The following PARD3 variants were observed in gnomAD, a reference collection of about 807,000 sequenced individuals.
PARD3 encodes partitioning defective 3 homolog.
PARD3 carries 75 observed loss-of-function variants against 155.4 expected under a neutral mutation model. That is an observed-to-expected ratio of 0.48 (90% CI 0.40 to 0.58). The LOEUF is 0.58. Ranked by LOEUF, PARD3 falls within the 20% of genes least tolerant of loss-of-function variation. PARD3 has a pLI of 0.00. For synonymous variants in PARD3, 576 were observed against 610.5 expected, an observed-to-expected ratio of 0.94 and a Z score of 0.83; for missense variants, 1,642 against 1,721.7, an observed-to-expected ratio of 0.95 and a Z score of 0.82.
intron 22 of PARD3, among the ~76,000 whole-genome samples, chr10:34,163,405 G>A (rs1038033736): frequency 6.6e-6 from 1 of 152,148 alleles, no homozygotes. Flanking sequence ...GATGAAGAAA[G>A]GGCATGAGAT....
intron 2 of PARD3, among the ~76,000 whole-genome samples, chr10:34,520,657 T>C (rs1294390324): frequency 6.6e-6 from 1 of 152,106 alleles, no homozygotes. Flanking sequence ...ACTCACTAAT[T>C]ATAGTATGAA....
At chr10:34,518,207 T>C (rs2081911785) in intron 2 of PARD3, among the ~76,000 whole-genome samples, 1 of 152,194 alleles carries the variant, frequency 6.6e-6, no homozygotes, top group Non-Finnish European at 1.5e-5. Context: ...AGTACATAGT[T>C]AAGTAAATAC....
intron 2 of PARD3, among the ~76,000 whole-genome samples, chr10:34,610,766 T>C (rs140735156): frequency 7.9e-5 from 12 of 152,348 alleles, no homozygotes; most frequent in African/African-American, 2.6e-4. Context: ...GTATGTATGA[T>C]TAACTAGTAG....
intron 2 of PARD3, among the ~76,000 whole-genome samples, chr10:34,588,032 C>G (rs935157840): frequency 1.3e-5 from 2 of 152,152 alleles, no homozygotes; most frequent in Non-Finnish European, 2.9e-5. Context: ...ACCCCTCTTA[C>G]GGGCCTAACC....
At chr10:34,464,875 C>T (rs1407965398) in intron 4 of PARD3, among the ~76,000 whole-genome samples, 1 of 152,140 alleles carries the variant, frequency 6.6e-6, no homozygotes, top group East Asian at 1.9e-4. Context: ...AATGTCATTA[C>T]TACTCATCTT....
At chr10:34,135,064 A>G (rs1369907174) in intron 22 of PARD3, among the ~76,000 whole-genome samples, 1 of 152,174 alleles carries the variant, frequency 6.6e-6, no homozygotes, top group Non-Finnish European at 1.5e-5. Flanking sequence ...TTTTTGTGTG[A>G]GAAATATAAT....
At chr10:34,527,172 A>G (rs2082543584) in intron 2 of PARD3, among the ~76,000 whole-genome samples, 1 of 152,224 alleles carries the variant, frequency 6.6e-6, no homozygotes, top group Non-Finnish European at 1.5e-5. Flanking sequence ...AATTTGCACA[A>G]AGTCATGGAA....
At chr10:34,678,673 C>T (rs2093756530) in intron 2 of PARD3, among the ~76,000 whole-genome samples, 1 of 151,896 alleles carries the variant, frequency 6.6e-6, no homozygotes. Flanking sequence ...TAAGCATTCA[C>T]AAATGAATTG....
At chr10:34,727,908 C>CACACG (rs2094747296) in intron 1 of PARD3, among the ~76,000 whole-genome samples, 2 of 114,918 alleles carry the variant, frequency 1.7e-5, no homozygotes, top group Non-Finnish European at 3.9e-5. Flanking sequence ...ACACACACAC[C>CACACG]ACTTCCATCC....
intron 5 of PARD3, among the ~76,000 whole-genome samples, chr10:34,431,679 G>A (rs2075908029): frequency 7.1e-6 from 1 of 140,128 alleles, no homozygotes; most frequent in African/African-American, 2.7e-5. Context: ...GGCAGAAGTT[G>A]CAGTGAGCCA....
At chr10:34,152,969 A>G (rs1948846422) in intron 22 of PARD3, among the ~76,000 whole-genome samples, 1 of 152,208 alleles carries the variant, frequency 6.6e-6, no homozygotes, top group Non-Finnish European at 1.5e-5. Flanking sequence ...CAGTGACATG[A>G]CAAAGCTAAT....
intron 5 of PARD3, among the ~76,000 whole-genome samples, chr10:34,402,775 T>TA (rs1281536409): frequency 2.6e-5 from 4 of 152,156 alleles, no homozygotes; most frequent in African/African-American, 9.7e-5. Flanking sequence ...AACCAATGAT[T>TA]AGATAGGTGT....
chr10:34,378,008 T>C lies in PARD3; in HGVS notation c.1498A>G (p.Ile500Val). ...CCTGCCTTAAGTCGGCCATCCTGAATGGCCGCCCCCCGGGGGAGAATGTTT... is the reference window on the plus strand; with the variant it reads ...CCTGCCTTAAGTCGGCCATCCTGAACGGCCGCCCCCCGGGGGAGAATGTTT... ...VKNILPRGAA[I>V]QDGRLKAGDR... Residue 500 changes from isoleucine to valine, a missense_variant, in exon 10 of 25, where the codon ATT becomes GTT. Transcript: ENST00000374788. 1 of 1,586,616 alleles carries C rather than the reference T, an allele frequency of 6.3e-7. No individual in the cohort carries two copies. Among genetic ancestry groups the C allele is most frequent in the Non-Finnish European group, 8.6e-7 (1 of 1,169,170 alleles).
At chr10:34,423,377 G>A (rs1244744822) in intron 5 of PARD3, among the ~76,000 whole-genome samples, 1 of 152,062 alleles carries the variant, frequency 6.6e-6, no homozygotes, top group Non-Finnish European at 1.5e-5. Flanking sequence ...GGAGGAAAAA[G>A]TTCAAGAGAT....
intron 10 of PARD3, among the ~76,000 whole-genome samples, chr10:34,376,773 T>G (rs970820550): frequency 6.7e-6 from 1 of 148,718 alleles, no homozygotes; most frequent in Admixed American, 6.6e-5. Flanking sequence ...TCTGGAGAGA[T>G]AGAAACCATA....
At chr10:34,527,147 G>T (rs2082541709) in intron 2 of PARD3, among the ~76,000 whole-genome samples, 1 of 152,172 alleles carries the variant, frequency 6.6e-6, no homozygotes, top group Non-Finnish European at 1.5e-5. Flanking sequence ...AATCAGAACT[G>T]GGAAGCAGTT....
chr10:34,324,131 T>C (rs1958539501), intron 19 of PARD3, among the ~76,000 whole-genome samples: 1 of 152,200 alleles, frequency 6.6e-6, no homozygotes, highest in Non-Finnish European at 1.5e-5. Context: ...TCAGACTCTT[T>C]TGAGTGAAAC....
At chr10:34,657,598 G>A (rs1427311284) in intron 2 of PARD3, among the ~76,000 whole-genome samples, 2 of 152,070 alleles carry the variant, frequency 1.3e-5, no homozygotes, top group African/African-American at 2.4e-5. Context: ...GAGTACAGTG[G>A]CACGATCTTG....
At chr10:34,388,815 G>A (rs1443162460) in intron 7 of PARD3, among the ~76,000 whole-genome samples, 2 of 152,146 alleles carry the variant, frequency 1.3e-5, no homozygotes, top group Admixed American at 1.3e-4. Flanking sequence ...GTCAGGAAAG[G>A]AGGCATTGGA....
Sources: allele counts gnomAD v4.1 joint callset (sites outside exome capture counted in the v4.1 genomes callset), GRCh38; gene constraint gnomAD v4.1.1; transcripts MANE v1.5; gene names NCBI Gene and HGNC (gene_info 2026-07-23, HGNC 2026-07-21).